NBPF26: variants seen among roughly 807,000 people sequenced by gnomAD.
NBPF26 encodes the protein NBPF member 26, also known as NBPF family member NBPF26.
NBPF26 carries 79 observed loss-of-function variants against 119.6 expected under a neutral mutation model. The observed-to-expected ratio is 0.66, with a 90% confidence interval of 0.55 to 0.80. The LOEUF is 0.80. NBPF26 is among the 30% of genes least tolerant of loss of function. The pLI, the probability that NBPF26 is intolerant of heterozygous loss-of-function variation, is 0.00. For synonymous variants in NBPF26, 299 were observed against 457.7 expected, an observed-to-expected ratio of 0.65 and a Z score of 4.43; for missense variants, 800 against 1,198.2, an observed-to-expected ratio of 0.67 and a Z score of 4.91.
chr1:120,763,609 C>T lies in NBPF26; in HGVS notation c.74-19C>T. The T allele has an allele frequency of 8.5e-7, 1 of 1,181,242 alleles. No individual in the cohort carries two copies. The highest frequency in any genetic ancestry group is 1.3e-5 in the South Asian group (1 of 77,518). The allele number at this position is 1,181,242 out of a possible 1,614,324, so 73.2% of individuals were successfully genotyped here. ...TGATTAGTGACTTACTTCTAATGTG[C>T]ATTTGTTTTTATTTTTAGCATTGCA... On this transcript the variant is annotated intron_variant, in intron 1 of 29. Coordinates refer to ENST00000620612, the Ensembl canonical transcript of NBPF26.
At chr1:120,804,514 C>T (rs1325523404) in intron 4 of NBPF26, among the ~76,000 whole-genome samples, 2 of 84,608 alleles carry the variant, frequency 2.4e-5, no homozygotes, top group Admixed American at 2.3e-4. Flanking sequence ...AAAATGGAAA[C>T]AACAAAATAG....
exon 3 of NBPF26, chr1:120,785,088 C>G: frequency 6.9e-7 from 1 of 1,446,258 alleles, no homozygotes; most frequent in Non-Finnish European, 9.2e-7. Context: ...AAGCCACGTG[C>G]CGGTGTGCCT....
In NBPF26 at chr1:120,805,909, T is replaced by C. The variant is rs1194164140; in HGVS notation, c.961+144T>C. On this transcript the variant is annotated intron_variant, in intron 5 of 29. Transcript: ENST00000620612. ...AGAAATGGGTATTTTAACATTTTGT[T>C]AAAGTTGGAAGACAGAGGTACCAAA... 28 of 633,864 alleles carry C rather than the reference T, an allele frequency of 4.4e-5. 3 individuals are homozygous for C. Among genetic ancestry groups the C allele is most frequent in the Middle Eastern group, 8.6e-4 (2 of 2,328 alleles). The allele number at this position is 633,864 out of a possible 1,614,324, so 39.3% of individuals were successfully genotyped here. A position where few individuals can be genotyped will look rare whatever the true frequency, so the allele number is the denominator to read the frequency against.
Position 120,823,955 on chromosome 1 carries a change from CT to C in NBPF26, c.2640-14del. 3 of 668,536 alleles carry C rather than the reference CT, an allele frequency of 4.5e-6. No individual in the cohort carries two copies. Among genetic ancestry groups the C allele is most frequent in the South Asian group, 1.5e-5 (1 of 65,942 alleles). 41.4% of individuals were successfully genotyped at this position (668,536 alleles called of 1,614,324 possible). A position where few individuals can be genotyped will look rare whatever the true frequency, so the allele number is the denominator to read the frequency against. ...CTGATTCCCCCTGGCTTATTCTTTA[CT>C]TTTTCCCACTTTTCCAGGCTCAGCA... On this transcript the variant is annotated intron_variant, in intron 17 of 29. Transcript: ENST00000620612.
intron 11 of NBPF26, among the ~76,000 whole-genome samples, chr1:120,814,607 T>A (rs1326036317): frequency 8.1e-6 from 1 of 123,324 alleles, no homozygotes; most frequent in Non-Finnish European, 1.7e-5. Flanking sequence ...GAAAGATGAA[T>A]GGAACATCAT....
Position 120,724,140 on chromosome 1 carries a change from C to T in NBPF26, c.-38C>T, listed in dbSNP as rs1175380515. 201 of 1,364,056 alleles carry T rather than the reference C, an allele frequency of 1.5e-4. 50 individuals are homozygous for T. The Admixed American group carries it at 4.7e-3, about 32-fold the overall frequency. The allele number at this position is 1,364,056 out of a possible 1,614,324, so 84.5% of individuals were successfully genotyped here. On this transcript the variant is annotated 5_prime_UTR_variant, in exon 1 of 30. Coordinates refer to ENST00000620612, the Ensembl canonical transcript of NBPF26. ...TGTGGATCTGCCCAGGCGGCGGCGG[C>T]GGCGGCGGCGGAGGAGGAGGAGGAG...
chr1:120,805,597 G>T lies in NBPF26; in HGVS notation c.793G>T (p.Val265Leu), dbSNP rs1553269698. 33 of 1,460,134 alleles carry T rather than the reference G, an allele frequency of 2.3e-5. 9 individuals are homozygous for T. Among genetic ancestry groups the T allele is most frequent in the Admixed American group, 1.3e-4 (7 of 54,758 alleles). 90.4% of individuals were successfully genotyped at this position (1,460,134 alleles called of 1,614,324 possible). The stretch of plus-strand genomic sequence containing the variant: ...TTCTGCCACAAACGTCAGCATGGTG[G>T]TATCAGCCGGCCATTGGTCCAGTGA... Residue 265 changes from valine (V) to leucine (L), a missense_variant, in exon 5 of 30, where the codon GTA (valine) becomes TTA (leucine). Val to Leu is a conservative substitution (Grantham distance 32). Coordinates refer to ENST00000620612, the Ensembl canonical transcript of NBPF26.
intron 11 of NBPF26, among the ~76,000 whole-genome samples, chr1:120,814,483 G>A (rs1553271461): frequency 4.5e-5 from 5 of 111,174 alleles, no homozygotes; most frequent in Admixed American, 8.9e-5. Context: ...TCTAGTGGCC[G>A]CAAGATGCAC....
At position 120,819,059 on chromosome 1, in the gene NBPF26, G is replaced by C. The variant is rs1421099217; in HGVS notation, c.2423+885G>C. Reference sequence around the variant, plus strand: ...TGTTAAGCTTCTGTCTCATTGATCTGTTTAATATTGACAGTGGGGTGTTAA... The same window carrying C: ...TGTTAAGCTTCTGTCTCATTGATCTCTTTAATATTGACAGTGGGGTGTTAA... On this transcript the variant is annotated intron_variant, in intron 15 of 29. Coordinates refer to ENST00000620612, the Ensembl canonical transcript of NBPF26. Among the ~76,000 whole-genome samples the C allele has an allele frequency of 5.7e-5, 7 of 123,066 alleles. 3 individuals are homozygous for C. Among genetic ancestry groups the C allele is most frequent in the Non-Finnish European group, 9.9e-5 (6 of 60,744 alleles). The allele number at this position is 123,066 out of a possible 152,430, so 80.7% of individuals were successfully genotyped here. A position where few individuals can be genotyped will look rare whatever the true frequency, so the allele number is the denominator to read the frequency against.
chr1:120,840,593 A>T lies in NBPF26; in HGVS notation c.4347A>T (p.Ter1449TyrextTer?), dbSNP rs79370452. Residue 1449 changes from the stop codon to tyrosine (Y), a stop_lost, in exon 30 of 30, where the codon TAA becomes TAT. Transcript: ENST00000620612. ...AGATGGGAGTCATATTCCCACAATA[A>T]GCAGCCCTTACTAAGCCGAGAGGTG... The T allele has an allele frequency of 1.4e-5, 20 of 1,462,816 alleles. 5 individuals are homozygous for T. The South Asian group carries it at 2.3e-4, about 16-fold the overall frequency. The allele number at this position is 1,462,816 out of a possible 1,614,324, so 90.6% of individuals were successfully genotyped here.
Position 120,793,758 on chromosome 1 carries a change from A to C in NBPF26, c.751+262A>C, listed in dbSNP as rs1478322412. On this transcript the variant is annotated intron_variant, in intron 4 of 29. Coordinates refer to ENST00000620612, the Ensembl canonical transcript of NBPF26. ...TGTCCCTTTTGTAGAAACAGTGAGA[A>C]ATAAGAGGAACAGAGCTCTGGGAAA... 174 of 897,250 alleles carry C rather than the reference A, an allele frequency of 1.9e-4. 31 individuals carry two copies. The highest frequency in any genetic ancestry group is 2.6e-4 in the Non-Finnish European group (153 of 586,242). 55.6% of individuals were successfully genotyped at this position (897,250 alleles called of 1,614,324 possible).
Position 120,792,437 on chromosome 1 carries a change from A to G in NBPF26, c.416-724A>G, listed in dbSNP as rs1372229498. Among the ~76,000 whole-genome samples the G allele has an allele frequency of 2.2e-5, 2 of 92,158 alleles. 1 individual carries two copies. The highest frequency in any genetic ancestry group is 5.1e-4 in the East Asian group (2 of 3,956). 60.5% of individuals were successfully genotyped at this position (92,158 alleles called of 152,430 possible). On this transcript the variant is annotated intron_variant, in intron 3 of 29. Coordinates refer to ENST00000620612, the Ensembl canonical transcript of NBPF26. ...TGAGGGGCACTAAGGATGACTTTACAGAGGTTGGAACTTTTGAGTACAGTT... is the reference window on the plus strand; with the variant it reads ...TGAGGGGCACTAAGGATGACTTTACGGAGGTTGGAACTTTTGAGTACAGTT...
exon 5 of NBPF26, chr1:120,805,714 T>A: frequency 6.9e-7 from 1 of 1,453,020 alleles, no homozygotes; most frequent in Non-Finnish European, 9.3e-7. Flanking sequence ...CAAAGAGAAA[T>A]GTTTTCTAAC....
intron 23 of NBPF26, among the ~76,000 whole-genome samples, 189 bp downstream of exon 27, chr1:120,833,172 G>A (rs1422350365): frequency 2.5e-5 from 3 of 118,306 alleles, no homozygotes; most frequent in Non-Finnish European, 3.3e-5. Flanking sequence ...ATTTACTAAC[G>A]TACCACAGGT....
chr1:120,799,489 A>C, intron 4 of NBPF26, among the ~76,000 whole-genome samples: 1 of 55,676 alleles, frequency 1.8e-5, no homozygotes, highest in Non-Finnish European at 3.5e-5. Flanking sequence ...GGGTCTGGAA[A>C]CTTGTCTGTT....
At chr1:120,825,223 C>T (rs1200336316) in intron 18 of NBPF26, among the ~76,000 whole-genome samples, 2 of 122,764 alleles carry the variant, frequency 1.6e-5, no homozygotes, top group South Asian at 2.3e-4. Flanking sequence ...CTGTGTGTCC[C>T]GAGGGCACTA....
At chr1:120,817,869 GTTTAAC>G (rs1162645225) in intron 14 of NBPF26, among the ~76,000 whole-genome samples, 1 of 111,362 alleles carries the variant, frequency 9.0e-6, no homozygotes, top group Admixed American at 8.8e-5. Flanking sequence ...AAAAAATTTT[GTTTAAC>G]TTTGACTCAA....
chr1:120,840,237 G>C, intron 29 of NBPF26, 113 bp from the exon 36 acceptor site: 1 of 1,400,570 alleles, frequency 7.1e-7, no homozygotes, highest in Non-Finnish European at 9.5e-7. Flanking sequence ...CTCATTAATG[G>C]ATCTATCCTT....
chr1:120,790,536 CT>C lies in NBPF26; in HGVS notation c.416-2622del, dbSNP rs1571029796. 6.1e-4 allele frequency among the ~76,000 whole-genome samples: 13 copies of C among 21,158 alleles called. 1 individual carries two copies. The highest frequency in any genetic ancestry group is 2.8e-3 in the East Asian group (2 of 708). 13.9% of individuals were successfully genotyped at this position (21,158 alleles called of 152,430 possible). On this transcript the variant is annotated intron_variant, in intron 3 of 29. Transcript: ENST00000620612. The stretch of plus-strand genomic sequence containing the variant: ...TGATTCTTTCTTTCTTTCTCCCTCC[CT>C]TTCTTTCTTTCTTTCTTTCTTTCTT...
Sources: allele counts gnomAD v4.1 joint callset (sites outside exome capture counted in the v4.1 genomes callset), GRCh38; gene constraint gnomAD v4.1.1; transcripts MANE v1.5; gene names NCBI Gene and HGNC (gene_info 2026-07-23, HGNC 2026-07-21).